GRID2: variants seen among roughly 807,000 people sequenced by gnomAD.
The protein encoded by GRID2 is glutamate ionotropic receptor delta type subunit 2, also known as glutamate receptor ionotropic, delta-2.
A neutral mutation model predicts 114.8 loss-of-function variants in GRID2; 33 were observed. That is an observed-to-expected ratio of 0.29 (90% CI 0.22 to 0.38). GRID2 has a LOEUF of 0.38. Among genes scored for constraint, GRID2 ranks in the 10% least tolerant of loss-of-function variants. The probability of loss-of-function intolerance (pLI) is 1.00; values close to 1 mark genes in which losing one functional copy is unlikely to be tolerated. For synonymous variants in GRID2, 505 were observed against 449.9 expected, an observed-to-expected ratio of 1.12 and a Z score of -1.55; for missense variants, 1,184 against 1,257.7, an observed-to-expected ratio of 0.94 and a Z score of 0.89.
intron 1 of GRID2, among the ~76,000 whole-genome samples, chr4:92,537,912 A>G (rs1725734031): frequency 6.6e-6 from 1 of 151,858 alleles, no homozygotes. Flanking sequence ...TTGACAATGT[A>G]TTAAGTAGAT....
chr4:92,379,517 A>T (rs1729514590), intron 1 of GRID2, among the ~76,000 whole-genome samples: 1 of 152,076 alleles, frequency 6.6e-6, no homozygotes, highest in African/African-American at 2.4e-5. Context: ...TATCTTCTGT[A>T]TACAAATTAC....
chr4:93,565,753 T>C (rs981924198), intron 13 of GRID2, among the ~76,000 whole-genome samples: 1 of 152,180 alleles, frequency 6.6e-6, no homozygotes, highest in African/African-American at 2.4e-5. Flanking sequence ...ATTCTCATTC[T>C]CCAGGTTTAA....
At chr4:92,869,521 T>G (rs1745123375) in intron 2 of GRID2, among the ~76,000 whole-genome samples, 1 of 152,238 alleles carries the variant, frequency 6.6e-6, no homozygotes, top group African/African-American at 2.4e-5. Context: ...CCCATCTTTG[T>G]GTCCTTGGTG....
At chr4:92,978,025 C>T (rs1266629113) in intron 2 of GRID2, among the ~76,000 whole-genome samples, 1 of 152,032 alleles carries the variant, frequency 6.6e-6, no homozygotes, top group Admixed American at 6.6e-5. Context: ...TAGACAAAGT[C>T]CTCATTAAGA....
chr4:93,274,885 A>G (rs1223400555), intron 8 of GRID2, among the ~76,000 whole-genome samples: 2 of 152,080 alleles, frequency 1.3e-5, no homozygotes, highest in African/African-American at 2.4e-5. Context: ...GCAAGTTCAT[A>G]TATTTAAAAA....
intron 2 of GRID2, among the ~76,000 whole-genome samples, chr4:93,001,880 T>C: frequency 6.6e-6 from 1 of 151,722 alleles, no homozygotes; most frequent in South Asian, 2.1e-4. Flanking sequence ...GTTCATATTT[T>C]ATTTTGTATA....
At chr4:93,074,662 A>C (rs959174744) in intron 2 of GRID2, among the ~76,000 whole-genome samples, 1 of 152,178 alleles carries the variant, frequency 6.6e-6, no homozygotes, top group Admixed American at 6.5e-5. Flanking sequence ...AATCAATGAG[A>C]TAGAGAACAG....
intron 4 of GRID2, among the ~76,000 whole-genome samples, chr4:93,196,431 T>C (rs1741499887): frequency 6.6e-6 from 1 of 152,192 alleles, no homozygotes; most frequent in South Asian, 2.1e-4. Context: ...ACCTTTTGAT[T>C]TTTGTTTTCC....
rs570178478 is a variant in GRID2, at chr4:93,273,503, A to G, written c.1245+35013A>G. Among the ~76,000 whole-genome samples, 323 of 151,542 alleles carry G rather than the reference A, an allele frequency of 2.1e-3. 2 individuals are homozygous for G. Among genetic ancestry groups the G allele is most frequent in the African/African-American group, 7.4e-3 (308 of 41,384 alleles). On this transcript the variant is annotated intron_variant, in intron 8 of 15. Coordinates refer to ENST00000282020, the MANE Select transcript of GRID2 (RefSeq NM_001510.4). ...ATCCATGCCCCAATCCTCCAAACCT[A>G]TGCATATGTTACATTCCTGAGGAAT... is the stretch of plus-strand genomic sequence containing the variant.
At chr4:92,320,624 G>C (rs146827017) in intron 1 of GRID2, among the ~76,000 whole-genome samples, 1 of 151,808 alleles carries the variant, frequency 6.6e-6, no homozygotes, top group Admixed American at 6.6e-5. Context: ...ACAGGCACAC[G>C]CCACCAACAT....
chr4:93,744,907 A>G (rs186934968), intron 14 of GRID2, among the ~76,000 whole-genome samples: 2 of 152,344 alleles, frequency 1.3e-5, no homozygotes, highest in Admixed American at 6.5e-5. Context: ...ACCAGCTGTC[A>G]ATGCTTGGGC....
intron 8 of GRID2, among the ~76,000 whole-genome samples, chr4:93,244,522 AATAGATTATATAATC>A (rs1372902544): frequency 0.073 from 3,427 of 46,850 alleles, 59 homozygotes; most frequent in Middle Eastern, 0.15. Flanking sequence ...TCTATTAATT[AATAGATTATATAATC>A]TATTAATTAA....
At chr4:93,738,454 T>C (rs1295218558) in intron 14 of GRID2, among the ~76,000 whole-genome samples, 3 of 152,134 alleles carry the variant, frequency 2.0e-5, no homozygotes, top group Non-Finnish European at 4.4e-5. Flanking sequence ...CTGGAACTGA[T>C]AGTGGCTTGA....
At chr4:92,674,224 C>G (rs962384619) in intron 2 of GRID2, among the ~76,000 whole-genome samples, 1 of 151,938 alleles carries the variant, frequency 6.6e-6, no homozygotes, top group South Asian at 2.1e-4. Context: ...TGTTTTTGAA[C>G]CTTATTTTCT....
At chr4:93,737,091 A>G (rs1467805107) in intron 14 of GRID2, among the ~76,000 whole-genome samples, 1 of 152,022 alleles carries the variant, frequency 6.6e-6, no homozygotes, top group African/African-American at 2.4e-5. Context: ...TGTAAAATGG[A>G]ACTAATAATG....
intron 11 of GRID2, among the ~76,000 whole-genome samples, chr4:93,484,272 C>T (rs1316347301): frequency 6.6e-6 from 1 of 151,864 alleles, no homozygotes; most frequent in Non-Finnish European, 1.5e-5. Flanking sequence ...TCATTTTTCA[C>T]TCTTCCCAAA....
chr4:92,937,016 C>G (rs895014572), intron 2 of GRID2, among the ~76,000 whole-genome samples: 21 of 146,168 alleles, frequency 1.4e-4, no homozygotes, highest in African/African-American at 5.1e-4. Flanking sequence ...CCTTGGTCCA[C>G]TTTTTAAAAT....
At chr4:92,438,660 A>C (rs544358628) in intron 1 of GRID2, among the ~76,000 whole-genome samples, 1 of 150,910 alleles carries the variant, frequency 6.6e-6, no homozygotes, top group East Asian at 2.0e-4. Context: ...GTTTTTCCCA[A>C]CTCTTCGTTG....
chr4:93,215,813 C>T (rs1415337828), intron 5 of GRID2, among the ~76,000 whole-genome samples: 3 of 151,908 alleles, frequency 2.0e-5, no homozygotes, highest in South Asian at 2.1e-4. Context: ...TTTCTTAGAT[C>T]AAACCTCAGA....
Sources: gnomAD v4.1 joint callset for allele counts (sites outside exome capture counted in the v4.1 genomes callset) on GRCh38, gnomAD v4.1.1 for gene constraint, MANE v1.5 for transcripts, NCBI Gene and HGNC (gene_info 2026-07-23, HGNC 2026-07-21) for gene names.